ADAMTS5: variants seen among roughly 807,000 people sequenced by gnomAD.
The protein encoded by ADAMTS5 is ADAM metallopeptidase with thrombospondin type 1 motif 5, also known as A disintegrin and metalloproteinase with thrombospondin motifs 5.
A neutral mutation model predicts 81.4 loss-of-function variants in ADAMTS5; 54 were observed. That is an observed-to-expected ratio of 0.66 (90% CI 0.53 to 0.83). ADAMTS5 has a LOEUF of 0.83. Ranked by LOEUF, ADAMTS5 falls within the 40% of genes least tolerant of loss-of-function variation. The probability of loss-of-function intolerance (pLI) is 0.00; values close to 1 mark genes in which losing one functional copy is unlikely to be tolerated. For synonymous variants in ADAMTS5, 532 were observed against 508.8 expected (o/e 1.05, Z -0.61); for missense variants, 1,194 against 1,229.9 (o/e 0.97, Z 0.44).
intron 7 of ADAMTS5, among the ~76,000 whole-genome samples, chr21:26,926,054 G>C (rs561466643): frequency 6.6e-6 from 1 of 152,134 alleles, no homozygotes; most frequent in Non-Finnish European, 1.5e-5. Context: ...AGAATTCCTC[G>C]AGGTCAGGAG....
intron 3 of ADAMTS5, among the ~76,000 whole-genome samples, chr21:26,942,251 G>T (rs1434368892): frequency 6.6e-6 from 1 of 152,090 alleles, no homozygotes; most frequent in Non-Finnish European, 1.5e-5. Context: ...TTTGTCCATT[G>T]TTCTGGTATT....
chr21:26,933,149 C>G, intron 4 of ADAMTS5, 105 bp from the exon 5 acceptor site: 1 of 1,177,420 alleles, frequency 8.5e-7, no homozygotes, highest in Non-Finnish European at 1.2e-6. Context: ...AACTTTGTCA[C>G]AGATACAGTT....
Position 26,930,069 on chromosome 21 carries a change from A to G in ADAMTS5, c.2050-8T>C. On this transcript the variant is annotated splice_polypyrimidine_tract_variant and splice_region_variant and intron_variant, in intron 6 of 7. Transcript: ENST00000284987. ...TTCAGTGCCATCGGTCACCTGAATC[A>G]TGGCAAATGCATTAGGAGTGGGAAA... 6.2e-7 allele frequency: 1 copy of G among 1,613,146 alleles called. No homozygotes were observed. The highest frequency in any genetic ancestry group is 8.5e-7 in the Non-Finnish European group (1 of 1,179,270).
Position 26,966,518 on chromosome 21 carries a change from G to T in ADAMTS5, c.-127C>A. On this transcript the variant is annotated 5_prime_UTR_variant, in exon 1 of 8. Transcript: ENST00000284987. Reference sequence around the variant, plus strand: ...TGCTTGCAGGATTGAGTCAAGTGTCGGAGGGAGGGGGGCCCGGCAGCAGCG... The same window carrying T: ...TGCTTGCAGGATTGAGTCAAGTGTCTGAGGGAGGGGGGCCCGGCAGCAGCG... The T allele has an allele frequency of 1.0e-6, 1 of 969,518 alleles. No individual in the cohort carries two copies. The highest frequency in any genetic ancestry group is 1.4e-6 in the Non-Finnish European group (1 of 720,230). The allele number at this position is 969,518 out of a possible 1,614,324, so 60.1% of individuals were successfully genotyped here.
rs570463181 is a variant in ADAMTS5 at position 26,921,109 on chromosome 21, A to G, written c.*2944T>C. 3.9e-5 allele frequency: 6 copies of G among 152,656 alleles called. No homozygotes were observed. Among genetic ancestry groups the G allele is most frequent in the Admixed American group, 1.3e-4 (2 of 15,288 alleles). 9.5% of individuals were successfully genotyped at this position (152,656 alleles called of 1,614,324 possible). ...TTGTTAAATAAGAATAAATAATTTT[A>G]TCACACAAATTCACATACCAGTTGC... On this transcript the variant is annotated 3_prime_UTR_variant, in exon 8 of 8. Coordinates refer to ENST00000284987, the MANE Select transcript of ADAMTS5 (RefSeq NM_007038.5).
intron 1 of ADAMTS5, among the ~76,000 whole-genome samples, chr21:26,955,611 G>A (rs1290348281): frequency 6.6e-6 from 1 of 152,164 alleles, no homozygotes; most frequent in East Asian, 1.9e-4. Flanking sequence ...CCCCAATAAT[G>A]GTGAAAAATG....
At chr21:26,961,264 A>C (rs958156660) in intron 1 of ADAMTS5, among the ~76,000 whole-genome samples, 1 of 152,226 alleles carries the variant, frequency 6.6e-6, no homozygotes, top group African/African-American at 2.4e-5. Flanking sequence ...ATTAATTGTA[A>C]AATAGTTTGT....
At position 26,923,220 on chromosome 21, in the gene ADAMTS5, G is replaced by T. The variant is rs1229436795; in HGVS notation, c.*833C>A. On this transcript the variant is annotated 3_prime_UTR_variant, in exon 8 of 8. Transcript: ENST00000284987. ...TTTTCCTTTTAAATTTCCAACACAA[G>T]GAAACTAGTTTTTAGACTCTTGAGT... The T allele has an allele frequency of 6.6e-6, 1 of 151,934 alleles. No homozygotes were observed. Among genetic ancestry groups the T allele is most frequent in the Non-Finnish European group, 1.5e-5 (1 of 67,960 alleles). The allele number at this position is 151,934 out of a possible 1,614,324, so 9.4% of individuals were successfully genotyped here. A position where few individuals can be genotyped will look rare whatever the true frequency, so the allele number is the denominator to read the frequency against.
chr21:26,952,923 C>G (rs899304246), intron 2 of ADAMTS5, among the ~76,000 whole-genome samples: 5 of 152,204 alleles, frequency 3.3e-5, no homozygotes, highest in Admixed American at 2.6e-4. Flanking sequence ...CGGTGCAGAT[C>G]GGAATGTTGC....
At chr21:26,956,555 C>T (rs1016041169) in intron 1 of ADAMTS5, among the ~76,000 whole-genome samples, 3 of 152,160 alleles carry the variant, frequency 2.0e-5, no homozygotes, top group Non-Finnish European at 4.4e-5. Flanking sequence ...TAGCACAATA[C>T]ATTTTTAAGC....
At chr21:26,965,219 C>T in intron 1 of ADAMTS5, 69 bp downstream of exon 1, 1 of 1,535,694 alleles carries the variant, frequency 6.5e-7, no homozygotes, top group Non-Finnish European at 8.8e-7. Context: ...AGCAAAGCCA[C>T]CAGCAAGATT....
In ADAMTS5 at chr21:26,920,289, A is replaced by T. The variant is rs998413604; in HGVS notation, c.*3764T>A. On this transcript the variant is annotated 3_prime_UTR_variant, in exon 8 of 8. Coordinates refer to ENST00000284987, the MANE Select transcript of ADAMTS5 (RefSeq NM_007038.5). ...TGCTTTGTCTTGTTGCCAGGATCAG[A>T]CTGTGAAATCACAGAGGCAAGCTGA... The T allele has an allele frequency of 1.3e-5, 2 of 152,112 alleles. No individual in the cohort carries two copies. Among genetic ancestry groups the T allele is most frequent in the Non-Finnish European group, 2.9e-5 (2 of 67,980 alleles). The allele number at this position is 152,112 out of a possible 1,614,324, so 9.4% of individuals were successfully genotyped here.
intron 2 of ADAMTS5, among the ~76,000 whole-genome samples, chr21:26,948,725 CT>C (rs1987262769): frequency 6.6e-6 from 1 of 152,190 alleles, no homozygotes; most frequent in African/African-American, 2.4e-5. Context: ...GAAACTCTAA[CT>C]TTTTCACCTT....
chr21:26,942,117 A>G lies in ADAMTS5; in HGVS notation c.1405+1263T>C, dbSNP rs900024301. ...AAATGAGACAAGCAAATATATAGTA[A>G]CAGGCAGCTAAAGCCTTACCTGTTC... On this transcript the variant is annotated intron_variant, in intron 3 of 7. Transcript: ENST00000284987. Among the ~76,000 whole-genome samples the G allele has an allele frequency of 5.3e-5, 8 of 152,170 alleles. No individual in the cohort carries two copies. In the East Asian group the frequency reaches 1.2e-3, roughly 22 times the overall value.
In ADAMTS5 at chr21:26,930,035, C is replaced by T. The variant is rs78795703; in HGVS notation, c.2076G>A (p.Leu692=). ...CCCGGACGCAGACGGAATTACTGTACAGCCTACATTCAGTGCCATCGGTCA... is the reference window on the plus strand; with the variant it reads ...CCCGGACGCAGACGGAATTACTGTATAGCCTACATTCAGTGCCATCGGTCA... ...PKVTDGTECR[L]YSNSVCVRGK... Residue 692 remains leucine (L), a synonymous_variant, in exon 7 of 8, where the codon CTG becomes CTA. Coordinates refer to ENST00000284987, the MANE Select transcript of ADAMTS5 (RefSeq NM_007038.5). 1.2e-3 allele frequency: 1,892 copies of T among 1,613,926 alleles called. 23 individuals are homozygous for T. In the African/African-American group the frequency reaches 0.022, roughly 19 times the overall value.
intron 1 of ADAMTS5, among the ~76,000 whole-genome samples, chr21:26,959,082 C>T (rs558918032): frequency 1.4e-4 from 21 of 152,224 alleles, no homozygotes; most frequent in African/African-American, 5.1e-4. Context: ...AGGAAGCTTT[C>T]TCTGACAAAT....
In ADAMTS5 at chr21:26,922,430, T is replaced by C. The variant is rs951452351; in HGVS notation, c.*1623A>G. ...TTGTAGAACTCAAACAGTGGTTCCC[T>C]AAGATCTTCACATGCAAATCTTTAA... is the stretch of plus-strand genomic sequence containing the variant. On this transcript the variant is annotated 3_prime_UTR_variant, in exon 8 of 8. Transcript: ENST00000284987. 2.6e-4 allele frequency: 40 copies of C among 152,070 alleles called. No individual in the cohort carries two copies. Among genetic ancestry groups the C allele is most frequent in the African/African-American group, 9.2e-4 (38 of 41,436 alleles). The allele number at this position is 152,070 out of a possible 1,614,324, so 9.4% of individuals were successfully genotyped here.
In ADAMTS5 at chr21:26,928,691, TTC is replaced by T. The variant is rs201187214; in HGVS notation, c.2225+1193_2225+1194del. Among the ~76,000 whole-genome samples, 1,030 of 151,340 alleles carry T rather than the reference TTC, an allele frequency of 6.8e-3. 13 individuals are homozygous for T. The highest frequency in any genetic ancestry group is 0.022 in the African/African-American group (912 of 41,178). Reference sequence around the variant, plus strand: ...TCTTTCTTTCTTTCTTTTTCTTTCTTTCTCTCTCTCTCTTTCTTTCTTTCTCT... The same window carrying T: ...TCTTTCTTTCTTTCTTTTTCTTTCTTTCTCTCTCTCTTTCTTTCTTTCTCT... On this transcript the variant is annotated intron_variant, in intron 7 of 7. Coordinates refer to ENST00000284987, the MANE Select transcript of ADAMTS5 (RefSeq NM_007038.5).
At position 26,920,086 on chromosome 21, in the gene ADAMTS5, A is replaced by G. The variant is rs1192653073; in HGVS notation, c.*3967T>C. On this transcript the variant is annotated 3_prime_UTR_variant, in exon 8 of 8. Transcript: ENST00000284987. ...ATACACTCTGCCAAAGACTACTAGA[A>G]AAATTTGATCATTATTAAATTCAAT... is the stretch of plus-strand genomic sequence containing the variant. 1 of 152,160 alleles carries G rather than the reference A, an allele frequency of 6.6e-6. No individual in the cohort carries two copies. The highest frequency in any genetic ancestry group is 2.4e-5 in the African/African-American group (1 of 41,458). The allele number at this position is 152,160 out of a possible 1,614,324, so 9.4% of individuals were successfully genotyped here. A position where few individuals can be genotyped will look rare whatever the true frequency, so the allele number is the denominator to read the frequency against.
Sources: gnomAD v4.1 joint callset for allele counts (sites outside exome capture counted in the v4.1 genomes callset) on GRCh38, gnomAD v4.1.1 for gene constraint, MANE v1.5 for transcripts, NCBI Gene and HGNC (gene_info 2026-07-23, HGNC 2026-07-21) for gene names.